SNX2: variants seen among roughly 807,000 people sequenced by gnomAD.
SNX2 encodes sorting nexin 2.
In SNX2, 25 loss-of-function variants were observed where a neutral mutation model predicts 69.9. That is an observed-to-expected ratio of 0.36 (90% CI 0.26 to 0.50). The LOEUF is 0.50. Among genes scored for constraint, SNX2 ranks in the 20% least tolerant of loss-of-function variants. The pLI is 0.97. For missense variants in SNX2, 551 were observed against 613.3 expected (o/e 0.90, Z 1.07); for synonymous variants, 229 against 200.4 (o/e 1.14, Z -1.20).
At chr5:122,778,806 C>T (rs1752908745) in intron 1 of SNX2, among the ~76,000 whole-genome samples, 3 of 152,116 alleles carry the variant, frequency 2.0e-5, no homozygotes, top group South Asian at 2.1e-4. Context: ...CAATATTAAA[C>T]TCCTCCCCTT....
intron 14 of SNX2, among the ~76,000 whole-genome samples, chr5:122,828,913 G>A (rs2150019329): frequency 6.6e-6 from 1 of 152,214 alleles, no homozygotes; most frequent in South Asian, 2.1e-4. Context: ...GAGGTCAGGA[G>A]TTTAAGACCA....
chr5:122,817,592 T>C (rs1459482696), intron 10 of SNX2, among the ~76,000 whole-genome samples: 1 of 152,084 alleles, frequency 6.6e-6, no homozygotes, highest in East Asian at 1.9e-4. Flanking sequence ...CTTAGAAAAT[T>C]ATTTGTTAAC....
At chr5:122,784,745 C>T (rs184257358) in intron 1 of SNX2, among the ~76,000 whole-genome samples, 57 of 152,106 alleles carry the variant, frequency 3.7e-4, no homozygotes, top group African/African-American at 1.2e-3. Context: ...ATGCTAGCTT[C>T]GTTAAGTGAT....
intron 9 of SNX2, 115 bp from the exon 10 acceptor site, chr5:122,817,165 A>G: frequency 8.5e-7 from 1 of 1,179,376 alleles, no homozygotes. Context: ...GTTGGCCACC[A>G]TGGTTATAAG....
intron 11 of SNX2, among the ~76,000 whole-genome samples, chr5:122,821,597 G>A (rs1362404478): frequency 2.0e-5 from 3 of 152,070 alleles, no homozygotes; most frequent in African/African-American, 7.2e-5. Flanking sequence ...TGGGACTACA[G>A]GCGCCCACCA....
At chr5:122,801,068 T>C (rs1339886309) in intron 3 of SNX2, among the ~76,000 whole-genome samples, 1 of 152,172 alleles carries the variant, frequency 6.6e-6, no homozygotes, top group East Asian at 1.9e-4. Flanking sequence ...ATCTTGATAC[T>C]AAAGTTGCTT....
At position 122,808,888 on chromosome 5, in the gene SNX2, A is replaced by C. The variant is rs955499126; in HGVS notation, c.722+533A>C. Among the ~76,000 whole-genome samples, 4 of 152,220 alleles carry C rather than the reference A, an allele frequency of 2.6e-5. No individual in the cohort carries two copies. The East Asian group carries it at 7.7e-4, about 29-fold the overall frequency. ...TTTTCTGATGAGTTTTTACTTAGTA[A>C]GAACATTATTAAATACAGTGAGAAG... On this transcript the variant is annotated intron_variant, in intron 7 of 14. Coordinates refer to ENST00000379516, the MANE Select transcript of SNX2 (RefSeq NM_003100.4).
At chr5:122,819,643 A>C (rs546722596) in intron 11 of SNX2, among the ~76,000 whole-genome samples, 4 of 152,330 alleles carry the variant, frequency 2.6e-5, no homozygotes, top group South Asian at 4.1e-4. Flanking sequence ...CAGACAGTTA[A>C]ACTGAACTGA....
intron 1 of SNX2, among the ~76,000 whole-genome samples, chr5:122,789,032 C>T (rs1174024687): frequency 6.6e-6 from 1 of 152,032 alleles, no homozygotes; most frequent in Non-Finnish European, 1.5e-5. Context: ...GGCTCTGCAT[C>T]CTGTTATAAT....
intron 7 of SNX2, among the ~76,000 whole-genome samples, chr5:122,811,688 G>A (rs1455135478): frequency 6.6e-6 from 1 of 152,014 alleles, no homozygotes; most frequent in African/African-American, 2.4e-5. Context: ...AAAATTGGCT[G>A]GGTGTGGTGG....
In SNX2 at chr5:122,818,891, A is replaced by G. The variant is rs371786995; in HGVS notation, c.1080A>G (p.Leu360=). Residue 360 remains leucine (L), a synonymous_variant, in exon 11 of 15, where the codon TTA becomes TTG. Coordinates refer to ENST00000379516, the MANE Select transcript of SNX2 (RefSeq NM_003100.4). The stretch of plus-strand genomic sequence containing the variant: ...GTAATTCTGAGGATCATACTGCTTT[A>G]TCTAGAGCTTTGTCTCAGCTTGCAG... ...MLGNSEDHTA[L]SRALSQLAEV... 8.1e-6 allele frequency: 13 copies of G among 1,613,910 alleles called. No homozygotes were observed. In the African/African-American group the frequency reaches 1.6e-4, roughly 20 times the overall value.
chr5:122,824,535 T>C (rs1182572931), intron 11 of SNX2, among the ~76,000 whole-genome samples: 1 of 152,208 alleles, frequency 6.6e-6, no homozygotes, highest in Non-Finnish European at 1.5e-5. Flanking sequence ...AAATTAAATA[T>C]AGCAAAGTGG....
At position 122,832,405 on chromosome 5, in the gene SNX2, G is replaced by A. The variant is rs7721108; in HGVS notation, c.*2757G>A. 3.4e-3 allele frequency: 514 copies of A among 152,258 alleles called. 4 individuals carry two copies. The highest frequency in any genetic ancestry group is 0.012 in the African/African-American group (489 of 41,560). The allele number at this position is 152,258 out of a possible 1,614,324, so 9.4% of individuals were successfully genotyped here. A position where few individuals can be genotyped will look rare whatever the true frequency, so the allele number is the denominator to read the frequency against. ...TCTATTAAGTAAAACAAGACAAAAT[G>A]TGTGTAAAAATATGCCTAACACATA... On this transcript the variant is annotated 3_prime_UTR_variant, in exon 15 of 15. Transcript: ENST00000379516.
At chr5:122,814,173 T>C (rs1368715454) in intron 7 of SNX2, among the ~76,000 whole-genome samples, 1 of 152,228 alleles carries the variant, frequency 6.6e-6, no homozygotes, top group Non-Finnish European at 1.5e-5. Context: ...TGCACTGAGA[T>C]GAGCAACTTA....
Position 122,829,774 on chromosome 5 carries a change from A to G in SNX2, c.*126A>G, listed in dbSNP as rs1561481420. The G allele has an allele frequency of 7.1e-6, 4 of 561,930 alleles. No individual in the cohort carries two copies. Among genetic ancestry groups the G allele is most frequent in the East Asian group, 7.0e-5 (2 of 28,376 alleles). 34.8% of individuals were successfully genotyped at this position (561,930 alleles called of 1,614,324 possible). ...TTTTATGAATTACATGTGGTTTTAT[A>G]TACACACACACACACACACACACAC... is the stretch of plus-strand genomic sequence containing the variant. On this transcript the variant is annotated 3_prime_UTR_variant, in exon 15 of 15. Coordinates refer to ENST00000379516, the MANE Select transcript of SNX2 (RefSeq NM_003100.4).
chr5:122,783,968 A>G (rs939809474), intron 1 of SNX2, among the ~76,000 whole-genome samples: 11 of 151,946 alleles, frequency 7.2e-5, no homozygotes, highest in African/African-American at 2.7e-4. Flanking sequence ...TTCAGCATAC[A>G]GATCTAGCAC....
At chr5:122,798,535 T>A (rs1260075599) in intron 2 of SNX2, among the ~76,000 whole-genome samples, 1 of 152,202 alleles carries the variant, frequency 6.6e-6, no homozygotes, top group African/African-American at 2.4e-5. Context: ...AATGGTTCAC[T>A]GACTATCATT....
At chr5:122,823,779 C>CGGGT (rs1754082952) in intron 11 of SNX2, among the ~76,000 whole-genome samples, 1 of 145,828 alleles carries the variant, frequency 6.9e-6, no homozygotes, top group Non-Finnish European at 1.5e-5. Context: ...AACATGTGGT[C>CGGGT]GTGTGTGTGT....
chr5:122,790,817 G>A (rs1334295042), intron 1 of SNX2, among the ~76,000 whole-genome samples: 3 of 152,210 alleles, frequency 2.0e-5, no homozygotes, highest in African/African-American at 4.8e-5. Flanking sequence ...AAGAAAAGCA[G>A]TTGTTCCTTC....
Sources: gnomAD v4.1 joint callset for allele counts (sites outside exome capture counted in the v4.1 genomes callset) on GRCh38, gnomAD v4.1.1 for gene constraint, MANE v1.5 for transcripts, NCBI Gene and HGNC (gene_info 2026-07-23, HGNC 2026-07-21) for gene names.